The following PKD1L1 variants were observed in gnomAD, a reference collection of about 807,000 sequenced individuals.
PKD1L1 encodes polycystin-1-like protein 1.
Under a neutral mutation model 323.4 loss-of-function variants are expected in PKD1L1, and 236 were observed. That is an observed-to-expected ratio of 0.73 (90% confidence interval 0.66 to 0.81). The LOEUF (loss-of-function observed/expected upper bound fraction) is 0.81. Ranked by LOEUF, PKD1L1 falls within the 40% of genes least tolerant of loss-of-function variation. PKD1L1 has a pLI of 0.00. For missense variants in PKD1L1, 3,320 were observed against 3,508.0 expected (o/e 0.95, Z 1.35); for synonymous variants, 1,344 against 1,335.0 (o/e 1.01, Z -0.15).
upstream of PKD1L1, among the ~76,000 whole-genome samples, chr7:47,950,229 G>C (rs1452715501): frequency 6.6e-6 from 1 of 152,142 alleles, no homozygotes; most frequent in Non-Finnish European, 1.5e-5. Flanking sequence ...CTGCTGGGCT[G>C]GCATCCATAC....
intron 26 of PKD1L1, among the ~76,000 whole-genome samples, 190 bp downstream of exon 26, chr7:47,865,026 T>A (rs555235093): frequency 6.6e-6 from 1 of 152,184 alleles, no homozygotes; most frequent in African/African-American, 2.4e-5. Context: ...GTGCCTGGCC[T>A]AGATTCCAAA....
rs1405185182 is a variant in PKD1L1, at chr7:47,803,104, GGTGTTTAACCTTGAGA to G, written c.7962+90_7962+105del. ...GGATTAGAAGACTGGAATTCTAGAC[GGTGTTTAACCTTGAGA>G]GCAGTTTGTTTTTCCCTTGAGAAAG... On this transcript the variant is annotated intron_variant, in intron 53 of 56. Transcript: ENST00000289672. 4 of 1,366,050 alleles carry G rather than the reference GGTGTTTAACCTTGAGA, an allele frequency of 2.9e-6. No individual in the cohort carries two copies. The East Asian group carries it at 9.3e-5, about 32-fold the overall frequency. 84.6% of individuals were successfully genotyped at this position (1,366,050 alleles called of 1,614,324 possible).
At chr7:47,813,016 T>C in intron 49 of PKD1L1, 105 bp downstream of exon 49, 1 of 1,402,550 alleles carries the variant, frequency 7.1e-7, no homozygotes, top group Non-Finnish European at 9.7e-7. Context: ...CTCGCAGGCC[T>C]GTCAGGAGGC....
At chr7:47,883,305 T>C (rs531217486) in intron 19 of PKD1L1, among the ~76,000 whole-genome samples, 1 of 152,338 alleles carries the variant, frequency 6.6e-6, no homozygotes, top group African/African-American at 2.4e-5. Flanking sequence ...CTGCAATGTG[T>C]CTTTGATTTG....
At chr7:47,937,014 A>C in intron 3 of PKD1L1, 56 bp from the exon 4 acceptor site, 2 of 1,370,594 alleles carry the variant, frequency 1.5e-6, no homozygotes, top group East Asian at 4.6e-5. Flanking sequence ...AACCCAGTAC[A>C]TTTGGGAAAG....
chr7:47,781,833 G>C (rs1040644642), intron 56 of PKD1L1, among the ~76,000 whole-genome samples: 1 of 151,948 alleles, frequency 6.6e-6, no homozygotes, highest in South Asian at 2.1e-4. Flanking sequence ...AATTATTTTT[G>C]TATATGGTAT....
At chr7:47,947,642 C>T (rs574690317) in intron 1 of PKD1L1, among the ~76,000 whole-genome samples, 11 of 152,316 alleles carry the variant, frequency 7.2e-5, no homozygotes, top group Admixed American at 2.0e-4. Context: ...GGTGCTGGCG[C>T]GCACAGAGCA....
Position 47,876,215 on chromosome 7 carries a change from G to A in PKD1L1, c.3666C>T (p.Asp1222=), listed in dbSNP as rs947096161. Residue 1222 remains aspartate (D), a splice_region_variant and synonymous_variant, in exon 23 of 57, where the codon GAC becomes GAT. Transcript: ENST00000289672. The part of the protein sequence containing the change: ...FSVFCMSGKP[D]FHYEFSYQIG... ...TCTGGTAACTAAATTCATAATGGAA[G>A]TCCTATGATCCAGTCCAAGGGAGCA... is the stretch of plus-strand genomic sequence containing the variant. 29 of 1,613,792 alleles carry A rather than the reference G, an allele frequency of 1.8e-5. No homozygotes were observed. In the Admixed American group the frequency reaches 3.0e-4, roughly 17 times the overall value.
At position 47,877,544 on chromosome 7, in the gene PKD1L1, T is replaced by G; in HGVS notation, c.3608A>C (p.His1203Pro). Residue 1203 changes from histidine (H) to proline (P), a missense_variant, in exon 22 of 57, where the codon CAC (histidine) becomes CCC (proline). Physicochemically the swap from His to Pro is moderately conservative, Grantham distance 77. Transcript: ENST00000289672. Reference sequence around the variant, plus strand: ...GACGGTGTGTGCTTCCAGACCATGGTGGGGCTGCACCTGACAGGCCATGTC... The same window carrying G: ...GACGGTGTGTGCTTCCAGACCATGGGGGGGCTGCACCTGACAGGCCATGTC... ...PRDMACQVQP[H>P]HGLEAHTVFS... 6.2e-7 allele frequency: 1 copy of G among 1,613,774 alleles called. No individual in the cohort carries two copies. The highest frequency in any genetic ancestry group is 8.5e-7 in the Non-Finnish European group (1 of 1,179,916).
intron 56 of PKD1L1, among the ~76,000 whole-genome samples, chr7:47,780,628 C>CAA (rs201158853): frequency 2.8e-5 from 4 of 144,804 alleles, no homozygotes; most frequent in African/African-American, 5.1e-5. Context: ...GACTCCACCT[C>CAA]AAAAAAAAAA....
chr7:47,929,454 G>C lies in PKD1L1; in HGVS notation c.810C>G (p.Leu270=), dbSNP rs776108909. ...CAGGAGGATGCTGAGTAGGGGGATAGAGGATCTCAGAACCAGACTGCGATG... is the reference window on the plus strand; with the variant it reads ...CAGGAGGATGCTGAGTAGGGGGATACAGGATCTCAGAACCAGACTGCGATG... The part of the protein sequence containing the change: ...FTASQSGSEI[L]YPPTQHPPVA... Residue 270 remains leucine (L), a synonymous_variant, in exon 7 of 57, where the codon CTC becomes CTG. Coordinates refer to ENST00000289672, the MANE Select transcript of PKD1L1 (RefSeq NM_138295.5). 2 of 1,614,096 alleles carry C rather than the reference G, an allele frequency of 1.2e-6. No individual in the cohort carries two copies. The highest frequency in any genetic ancestry group is 2.2e-5 in the East Asian group (1 of 44,884).
At chr7:47,846,771 G>T in intron 32 of PKD1L1, 108 bp downstream of exon 32, 1 of 1,017,626 alleles carries the variant, frequency 9.8e-7, no homozygotes, top group Non-Finnish European at 1.4e-6. Context: ...GAGAGCTCCA[G>T]CTTCTTATGG....
chr7:47,891,497 C>A (rs1477527690), intron 15 of PKD1L1, among the ~76,000 whole-genome samples: 1 of 152,188 alleles, frequency 6.6e-6, no homozygotes, highest in East Asian at 1.9e-4. Context: ...CAGCCATAAG[C>A]CCTTTTCAAA....
chr7:47,830,062 A>G lies in PKD1L1; in HGVS notation c.6536T>C (p.Ile2179Thr). 1 of 1,614,140 alleles carries G rather than the reference A, an allele frequency of 6.2e-7. No individual in the cohort carries two copies. The highest frequency in any genetic ancestry group is 8.5e-7 in the Non-Finnish European group (1 of 1,180,028). ...HLLSLSVVCCIFITQPLMVCL... is the reference protein window; with the variant it reads ...HLLSLSVVCCTFITQPLMVCL... Reference sequence around the variant, plus strand: ...TACCATAAGTGGCTGGGTGATGAAAATACAGCAGACCACGGAGAGGGACAG... The same window carrying G: ...TACCATAAGTGGCTGGGTGATGAAAGTACAGCAGACCACGGAGAGGGACAG... Residue 2179 changes from isoleucine (I) to threonine (T), a missense_variant, in exon 43 of 57, where the codon ATT becomes ACT. Coordinates refer to ENST00000289672, the MANE Select transcript of PKD1L1 (RefSeq NM_138295.5).
intron 6 of PKD1L1, 46 bp from the exon 7 acceptor site, chr7:47,929,572 C>T (rs780495858): frequency 6.5e-7 from 1 of 1,530,990 alleles, no homozygotes; most frequent in Admixed American, 1.9e-5. Flanking sequence ...CAGTGGACCA[C>T]TGGGGTGGGA....
chr7:47,822,939 T>G (rs750606931), intron 45 of PKD1L1, among the ~76,000 whole-genome samples: 1 of 149,516 alleles, frequency 6.7e-6, no homozygotes, highest in Non-Finnish European at 1.5e-5. Flanking sequence ...AATTCACTTA[T>G]TAGTTCCAGA....
chr7:47,811,684 T>C (rs1484284479), intron 50 of PKD1L1, 133 bp downstream of exon 50: 1 of 689,902 alleles, frequency 1.4e-6, no homozygotes, highest in East Asian at 2.7e-5. Context: ...AAGAAGGGGA[T>C]GTGACAAAGA....
chr7:47,798,014 C>T (rs1234199595), intron 54 of PKD1L1, among the ~76,000 whole-genome samples: 1 of 152,002 alleles, frequency 6.6e-6, no homozygotes, highest in Non-Finnish European at 1.5e-5. Context: ...ATGCCAATTC[C>T]CCCCAAATTT....
intron 14 of PKD1L1, 98 bp downstream of exon 14, chr7:47,897,890 C>T (rs16881635): frequency 1.0e-5 from 10 of 954,344 alleles, no homozygotes; most frequent in East Asian, 2.8e-5. Flanking sequence ...TTTCCTGGAT[C>T]GAACAGGTGT....
Sources: gnomAD v4.1 joint callset for allele counts (sites outside exome capture counted in the v4.1 genomes callset) on GRCh38, gnomAD v4.1.1 for gene constraint, MANE v1.5 for transcripts, NCBI Gene and HGNC (gene_info 2026-07-23, HGNC 2026-07-21) for gene names.